The following BBS9 variants were observed in gnomAD, a reference collection of about 807,000 sequenced individuals.
BBS9 encodes the protein Bardet-Biedl syndrome 9, also known as protein PTHB1.
Under a neutral mutation model 117.7 loss-of-function variants are expected in BBS9, and 89 were observed. The observed-to-expected ratio is 0.76, with a 90% CI of 0.64 to 0.90. The LOEUF (loss-of-function observed/expected upper bound fraction) is 0.90, where lower values mean the gene tolerates loss of function less well. Ranked by LOEUF, BBS9 falls within the 40% of genes least tolerant of loss-of-function variation. BBS9 has a pLI of 0.00. For synonymous variants in BBS9, 379 were observed against 370.9 expected (o/e 1.02, Z -0.25); for missense variants, 982 against 1,042.2 (o/e 0.94, Z 0.80).
rs17476849 is a variant in BBS9 at position 33,306,639 on chromosome 7, T to C, written c.1017-29802T>C. The stretch of plus-strand genomic sequence containing the variant: ...GGAAAGTATCTGAAGCATTTTGGTT[T>C]CTTGAAAGGTTATGTTGTGAAAAAT... On this transcript the variant is annotated intron_variant, in intron 9 of 22. Coordinates refer to ENST00000242067, the MANE Select transcript of BBS9 (RefSeq NM_198428.3). Among the ~76,000 whole-genome samples, 1,376 of 152,210 alleles carry C rather than the reference T, an allele frequency of 9.0e-3. 14 individuals are homozygous for C. The highest frequency in any genetic ancestry group is 0.012 in the Non-Finnish European group (785 of 67,916).
intron 19 of BBS9, among the ~76,000 whole-genome samples, chr7:33,434,290 A>C (rs1047611643): frequency 2.6e-5 from 4 of 152,028 alleles, no homozygotes; most frequent in Non-Finnish European, 4.4e-5. Flanking sequence ...AAAAAAAAAA[A>C]AAACTCCGTT....
At chr7:33,608,648 T>G (rs563815044), downstream of BBS9, among the ~76,000 whole-genome samples, 3 of 152,248 alleles carry the variant, frequency 2.0e-5, no homozygotes, top group South Asian at 6.2e-4. Context: ...TGAACATCTT[T>G]TCATGTTTGT....
At chr7:33,353,117 G>A (rs941938594) in intron 15 of BBS9, among the ~76,000 whole-genome samples, 1 of 152,054 alleles carries the variant, frequency 6.6e-6, no homozygotes, top group African/African-American at 2.4e-5. Flanking sequence ...AAAATAGAAT[G>A]TCTTTTTTGA....
intron 19 of BBS9, among the ~76,000 whole-genome samples, chr7:33,465,199 G>T (rs1371151203): frequency 6.6e-6 from 1 of 150,470 alleles, no homozygotes; most frequent in Non-Finnish European, 1.5e-5. Context: ...TGCTTTGGAG[G>T]TAATACTTTT....
At chr7:33,555,598 T>C (rs1331146126) in intron 21 of BBS9, among the ~76,000 whole-genome samples, 4 of 152,134 alleles carry the variant, frequency 2.6e-5, no homozygotes, top group Non-Finnish European at 5.9e-5. Context: ...ATTTGGTAGT[T>C]AAAATTGAGA....
intron 9 of BBS9, among the ~76,000 whole-genome samples, chr7:33,296,010 A>G (rs1284767445): frequency 6.6e-6 from 1 of 152,168 alleles, no homozygotes; most frequent in East Asian, 1.9e-4. Context: ...AACAATTAAC[A>G]AACTCATTTT....
intron 21 of BBS9, among the ~76,000 whole-genome samples, chr7:33,593,295 A>G (rs1862227513): frequency 6.6e-6 from 1 of 152,088 alleles, no homozygotes; most frequent in Admixed American, 6.6e-5. Flanking sequence ...CCTTCTCACA[A>G]TGGCTGGGCA....
chr7:33,586,721 C>G (rs1860958033), intron 21 of BBS9, among the ~76,000 whole-genome samples: 1 of 151,956 alleles, frequency 6.6e-6, no homozygotes, highest in South Asian at 2.1e-4. Flanking sequence ...CCATAAAAAA[C>G]AAAACAATGA....
chr7:33,406,994 T>A (rs1830135242), intron 19 of BBS9, among the ~76,000 whole-genome samples: 1 of 149,012 alleles, frequency 6.7e-6, no homozygotes, highest in Admixed American at 6.7e-5. Context: ...CTTGCTAGAT[T>A]GGGGAAGTTC....
At chr7:33,457,040 G>A (rs557203066) in intron 19 of BBS9, among the ~76,000 whole-genome samples, 1 of 152,154 alleles carries the variant, frequency 6.6e-6, no homozygotes, top group East Asian at 1.9e-4. Flanking sequence ...TGTCTACTTG[G>A]CCCCTAAGAG....
At chr7:33,372,750 T>C (rs1823102374) in intron 17 of BBS9, among the ~76,000 whole-genome samples, 1 of 152,190 alleles carries the variant, frequency 6.6e-6, no homozygotes, top group Admixed American at 6.5e-5. Context: ...TCTTTAAATG[T>C]TTGATGGAAT....
At chr7:33,618,689 AT>A (rs1477880815) in intron 21 of BBS9, among the ~76,000 whole-genome samples, 1 of 152,066 alleles carries the variant, frequency 6.6e-6, no homozygotes, top group Non-Finnish European at 1.5e-5. Context: ...ACCCCCATCT[AT>A]TTTTTTAAAA....
intron 21 of BBS9, among the ~76,000 whole-genome samples, chr7:33,543,995 G>A (rs1852844621): frequency 6.6e-6 from 1 of 152,072 alleles, no homozygotes; most frequent in African/African-American, 2.4e-5. Context: ...CTGTTTCTGA[G>A]ACTTTCCAGA....
At chr7:33,376,171 T>G (rs1002160563) in intron 17 of BBS9, among the ~76,000 whole-genome samples, 1 of 152,074 alleles carries the variant, frequency 6.6e-6, no homozygotes, top group Non-Finnish European at 1.5e-5. Flanking sequence ...TTCCTGATTT[T>G]CTCCTTCCTC....
intron 21 of BBS9, among the ~76,000 whole-genome samples, chr7:33,541,092 A>G (rs1207836568): frequency 1.3e-5 from 2 of 151,822 alleles, no homozygotes; most frequent in Non-Finnish European, 2.9e-5. Flanking sequence ...GCTCCCCTGG[A>G]CAGTCTCATC....
chr7:33,151,618 C>T (rs1051984924), intron 2 of BBS9, among the ~76,000 whole-genome samples: 4 of 151,422 alleles, frequency 2.6e-5, no homozygotes, highest in East Asian at 2.0e-4. Context: ...GGCACTGTCT[C>T]GGCTCAATGC....
intron 16 of BBS9, among the ~76,000 whole-genome samples, chr7:33,366,543 CTTTTTTT>C (rs70989948): frequency 1.0e-4 from 9 of 89,684 alleles, no homozygotes; most frequent in Middle Eastern, 8.2e-3. Flanking sequence ...TCTTTTCTTT[CTTTTTTT>C]TTTTTTTTTT....
intron 13 of BBS9, chr7:33,349,388 T>A (rs928838648): frequency 1.8e-6 from 1 of 566,658 alleles, no homozygotes; most frequent in Non-Finnish European, 3.4e-6. Flanking sequence ...CGATTACAGA[T>A]TTCTAGGTGC....
chr7:33,381,236 G>A (rs564540195), intron 17 of BBS9, among the ~76,000 whole-genome samples: 112 of 152,178 alleles, frequency 7.4e-4, no homozygotes, highest in Admixed American at 2.2e-3. Flanking sequence ...ATCTTCTTGC[G>A]GGGAGGTCCT....
Sources: gnomAD v4.1 joint callset for allele counts (sites outside exome capture counted in the v4.1 genomes callset) on GRCh38, gnomAD v4.1.1 for gene constraint, MANE v1.5 for transcripts, NCBI Gene and HGNC (gene_info 2026-07-23, HGNC 2026-07-21) for gene names.